Variants in KDM4C observed in about 807,000 individuals in gnomAD.
The protein encoded by KDM4C is lysine-specific demethylase 4C.
In KDM4C, 81 loss-of-function variants were observed where a neutral mutation model predicts 129.3. The ratio of observed to expected loss-of-function variants is 0.63; its 90% CI spans 0.52 to 0.75. The LOEUF is 0.75. KDM4C is among the 30% of genes least tolerant of loss of function. The pLI is 0.00. For missense variants in KDM4C, 1,457 were observed against 1,304.0 expected (o/e 1.12, Z -1.81); for synonymous variants, 573 against 456.1 (o/e 1.26, Z -3.26).
chr9:6,827,355 G>C (rs1306080016), intron 4 of KDM4C, among the ~76,000 whole-genome samples: 3 of 152,202 alleles, frequency 2.0e-5, no homozygotes, highest in Admixed American at 2.0e-4. Flanking sequence ...TTCAATGATA[G>C]TGAATTTTTG....
intron 17 of KDM4C, among the ~76,000 whole-genome samples, chr9:7,083,296 C>T (rs1209696471): frequency 6.6e-6 from 1 of 152,184 alleles, no homozygotes; most frequent in Non-Finnish European, 1.5e-5. Context: ...ATGGGCATTT[C>T]TGTTGAGTGT....
intron 8 of KDM4C, among the ~76,000 whole-genome samples, chr9:6,918,387 T>C (rs1257244591): frequency 1.3e-5 from 2 of 152,208 alleles, no homozygotes; most frequent in Non-Finnish European, 2.9e-5. Context: ...TTCCATGACG[T>C]GTATGTACCA....
chr9:7,021,415 GA>G (rs1165227673), intron 15 of KDM4C, among the ~76,000 whole-genome samples: 1 of 152,262 alleles, frequency 6.6e-6, no homozygotes, highest in East Asian at 1.9e-4. Flanking sequence ...AAAGTGCTGG[GA>G]TTACAGGCGT....
chr9:7,150,263 C>G (rs1468416732), intron 19 of KDM4C, among the ~76,000 whole-genome samples: 1 of 152,184 alleles, frequency 6.6e-6, no homozygotes, highest in Admixed American at 6.5e-5. Context: ...CACAACTTGT[C>G]CTGAGAGAGG....
chr9:6,794,705 C>T (rs555000811), intron 2 of KDM4C, among the ~76,000 whole-genome samples: 1 of 152,094 alleles, frequency 6.6e-6, no homozygotes, highest in South Asian at 2.1e-4. Context: ...TTGAAAATAT[C>T]ATCTTATCTT....
intron 2 of KDM4C, among the ~76,000 whole-genome samples, chr9:6,797,150 T>C (rs1034799548): frequency 7.2e-5 from 11 of 151,892 alleles, no homozygotes; most frequent in Non-Finnish European, 1.3e-4. Context: ...TGGGTAATTT[T>C]TTTTATTTTT....
intron 9 of KDM4C, among the ~76,000 whole-genome samples, chr9:6,983,493 T>C (rs1295856984): frequency 6.6e-6 from 1 of 151,386 alleles, no homozygotes; most frequent in Non-Finnish European, 1.5e-5. Flanking sequence ...TCCCAGCACT[T>C]TGGGAGGCAG....
chr9:6,944,949 A>G (rs1298828531), intron 8 of KDM4C, among the ~76,000 whole-genome samples: 1 of 152,162 alleles, frequency 6.6e-6, no homozygotes, highest in East Asian at 1.9e-4. Context: ...GTGTTGGGTT[A>G]TTCCTGTGGT....
chr9:7,108,459 A>C (rs933023303), intron 18 of KDM4C, among the ~76,000 whole-genome samples: 1 of 152,116 alleles, frequency 6.6e-6, no homozygotes, highest in East Asian at 1.9e-4. Context: ...CTGGTCTTGA[A>C]CTTTTGGACT....
chr9:6,722,401 G>A (rs1461091607), intron 1 of KDM4C, among the ~76,000 whole-genome samples: 1 of 152,108 alleles, frequency 6.6e-6, no homozygotes, highest in Non-Finnish European at 1.5e-5. Flanking sequence ...TTGGAGGCTG[G>A]GCTTGGTGGC....
At chr9:7,009,645 T>C (rs1822324255) in intron 12 of KDM4C, among the ~76,000 whole-genome samples, 2 of 152,214 alleles carry the variant, frequency 1.3e-5, no homozygotes, top group African/African-American at 4.8e-5. Context: ...GTATCACCGT[T>C]ACAAATCTCA....
chr9:6,937,603 C>T (rs1825053207), intron 8 of KDM4C, among the ~76,000 whole-genome samples: 1 of 152,154 alleles, frequency 6.6e-6, no homozygotes, highest in African/African-American at 2.4e-5. Context: ...GCTGCTCTAG[C>T]AGGCTGGGAG....
At chr9:6,847,902 C>G (rs1385783542) in intron 4 of KDM4C, among the ~76,000 whole-genome samples, 2 of 152,140 alleles carry the variant, frequency 1.3e-5, no homozygotes, top group Non-Finnish European at 2.9e-5. Flanking sequence ...GATTAACACA[C>G]TGATTAGAAA....
intron 15 of KDM4C, among the ~76,000 whole-genome samples, chr9:7,037,053 C>G (rs530757969): frequency 1.3e-5 from 2 of 152,284 alleles, no homozygotes; most frequent in South Asian, 4.1e-4. Flanking sequence ...ATCCTGTCTT[C>G]TCTCCAGCCC....
chr9:7,076,776 T>A, intron 17 of KDM4C: 1 of 1,076,846 alleles, frequency 9.3e-7, no homozygotes, highest in Non-Finnish European at 1.1e-6. Context: ...TCCTAGAGTT[T>A]CCCTTTCCCT....
rs565204070 is a variant in KDM4C at position 7,033,751 on chromosome 9, C to T, written c.2260-13111C>T. On this transcript the variant is annotated intron_variant, in intron 15 of 21. Transcript: ENST00000381309. ...TCATAAATAGCTTCTTGATTGAGAA[C>T]AAATGCCTCATTAATCTTTAGTGCT... 5.9e-5 allele frequency among the ~76,000 whole-genome samples: 9 copies of T among 152,300 alleles called. 1 individual carries two copies. The South Asian group carries it at 1.9e-3, about 32-fold the overall frequency.
At chr9:6,898,324 T>A (rs372448022) in intron 8 of KDM4C, among the ~76,000 whole-genome samples, 1 of 152,218 alleles carries the variant, frequency 6.6e-6, no homozygotes, top group East Asian at 1.9e-4. Flanking sequence ...AGAATCATTG[T>A]CTTGGGGACA....
intron 12 of KDM4C, among the ~76,000 whole-genome samples, chr9:6,995,341 ACACAGG>A (rs1489368956): frequency 2.0e-5 from 3 of 152,038 alleles, no homozygotes; most frequent in Admixed American, 6.5e-5. Flanking sequence ...ACACACAGAC[ACACAGG>A]CACAGACACA....
At chr9:6,756,963 G>T (rs1232419159), upstream of KDM4C, among the ~76,000 whole-genome samples, 2 of 152,144 alleles carry the variant, frequency 1.3e-5, no homozygotes, top group Non-Finnish European at 2.9e-5. Context: ...CTGGTGTGAA[G>T]ATATGCCCAA....
Sources: gnomAD v4.1 joint callset for allele counts (sites outside exome capture counted in the v4.1 genomes callset) on GRCh38, gnomAD v4.1.1 for gene constraint, MANE v1.5 for transcripts, NCBI Gene and HGNC (gene_info 2026-07-23, HGNC 2026-07-21) for gene names.